Variants in CEMIP observed in about 807,000 individuals in gnomAD.
CEMIP encodes cell migration inducing hyaluronidase 1.
A neutral mutation model predicts 156.9 loss-of-function variants in CEMIP; 105 were observed. That is an observed-to-expected ratio of 0.67 (90% confidence interval 0.57 to 0.79). CEMIP has a LOEUF of 0.79. Among genes scored for constraint, CEMIP ranks in the 30% least tolerant of loss-of-function variants. The pLI is 0.00. For missense variants in CEMIP, 1,457 were observed against 1,769.4 expected, an observed-to-expected ratio of 0.82 and a Z score of 3.17; for synonymous variants, 676 against 668.4, an observed-to-expected ratio of 1.01 and a Z score of -0.17.
chr15:80,839,289 A>AGTGTGTGAGT (rs1555429518), intron 1 of CEMIP, among the ~76,000 whole-genome samples: 12 of 131,120 alleles, frequency 9.2e-5, no homozygotes, highest in Admixed American at 9.1e-4. Context: ...CAAGGCCGTG[A>AGTGTGTGAGT]GTGTGTGTGT....
intron 1 of CEMIP, among the ~76,000 whole-genome samples, chr15:80,870,084 G>C (rs1316546839): frequency 6.6e-6 from 1 of 152,138 alleles, no homozygotes; most frequent in Non-Finnish European, 1.5e-5. Flanking sequence ...CTTTTAAATG[G>C]GGTACAAGTG....
chr15:80,829,143 G>T (rs912493400), intron 1 of CEMIP, among the ~76,000 whole-genome samples: 1 of 152,168 alleles, frequency 6.6e-6, no homozygotes, highest in Non-Finnish European at 1.5e-5. Flanking sequence ...CCTGATGGAG[G>T]CCTGACCCAT....
At chr15:80,856,902 T>C (rs1897864999) in intron 1 of CEMIP, among the ~76,000 whole-genome samples, 1 of 152,328 alleles carries the variant, frequency 6.6e-6, no homozygotes, top group South Asian at 2.1e-4. Context: ...TCCAGGTAAC[T>C]GATCCCATCA....
chr15:80,927,020 G>A (rs946928836), intron 19 of CEMIP, among the ~76,000 whole-genome samples: 1 of 152,136 alleles, frequency 6.6e-6, no homozygotes, highest in Non-Finnish European at 1.5e-5. Context: ...CAGTAGAGAC[G>A]GGGTTTCACC....
At chr15:80,868,317 T>A (rs982407335) in intron 1 of CEMIP, among the ~76,000 whole-genome samples, 1 of 152,218 alleles carries the variant, frequency 6.6e-6, no homozygotes, top group African/African-American at 2.4e-5. Flanking sequence ...AAGCATTTAC[T>A]CTTCCCAGTA....
At chr15:80,812,662 T>A (rs1324875962) in intron 1 of CEMIP, among the ~76,000 whole-genome samples, 3 of 152,186 alleles carry the variant, frequency 2.0e-5, no homozygotes, top group African/African-American at 7.2e-5. Context: ...AATTCTCATA[T>A]TTTTTTCACA....
chr15:80,896,225 A>C, intron 12 of CEMIP, 165 bp downstream of exon 12: 1 of 759,766 alleles, frequency 1.3e-6, no homozygotes. Context: ...TTTCTTACTC[A>C]TGTATCTGCA....
chr15:80,892,242 G>T (rs1899056176), intron 10 of CEMIP, among the ~76,000 whole-genome samples: 2 of 152,120 alleles, frequency 1.3e-5, no homozygotes, highest in Non-Finnish European at 2.9e-5. Context: ...AAGGACATTT[G>T]CAACCTAGGC....
chr15:80,788,395 C>T (rs1008032277), intron 1 of CEMIP, among the ~76,000 whole-genome samples: 7 of 148,776 alleles, frequency 4.7e-5, no homozygotes, highest in South Asian at 2.1e-4. Flanking sequence ...TGCTTGAACC[C>T]GAGAGGTGGA....
chr15:80,942,296 C>A lies in CEMIP; in HGVS notation c.3658C>A (p.Gln1220Lys). 6.2e-7 allele frequency: 1 copy of A among 1,614,164 alleles called. No individual in the cohort carries two copies. Among genetic ancestry groups the A allele is most frequent in the East Asian group, 2.2e-5 (1 of 44,882 alleles). Reference sequence around the variant, plus strand: ...GGAGGTGAAGATGGAGAGTTCCAAGCAGCACTTCTTCCACCTCTGGAACGA... The same window carrying A: ...GGAGGTGAAGATGGAGAGTTCCAAGAAGCACTTCTTCCACCTCTGGAACGA... ...FLEVKMESSK[Q>K]HFFHLWNDFA... The change falls in exon 27 of 30, where the codon CAG (glutamine) becomes AAG (lysine). Residue 1220 changes from glutamine (Q) to lysine (K), a missense_variant. Coordinates refer to ENST00000394685, the MANE Select transcript of CEMIP (RefSeq NM_001293298.2).
chr15:80,918,274 C>T (rs1900346634), intron 14 of CEMIP, among the ~76,000 whole-genome samples: 1 of 151,006 alleles, frequency 6.6e-6, no homozygotes, highest in South Asian at 2.1e-4. Flanking sequence ...GACCTTGTCT[C>T]ACAAAAAGAA....
chr15:80,899,225 AAAAG>A (rs112037024), intron 12 of CEMIP, among the ~76,000 whole-genome samples: 3 of 126,790 alleles, frequency 2.4e-5, no homozygotes, highest in African/African-American at 5.8e-5. Flanking sequence ...AAAAAAAAAA[AAAAG>A]AAAGAAAGAG....
intron 3 of CEMIP, among the ~76,000 whole-genome samples, chr15:80,874,408 C>A (rs1898401769): frequency 6.6e-6 from 1 of 152,040 alleles, no homozygotes. Context: ...TATGTAAAAT[C>A]TCCCTAGTTT....
At chr15:80,929,935 C>A (rs967537696) in intron 21 of CEMIP, among the ~76,000 whole-genome samples, 2 of 152,134 alleles carry the variant, frequency 1.3e-5, no homozygotes, top group African/African-American at 4.8e-5. Flanking sequence ...TCAGTCAATT[C>A]CTTGGAAAAC....
rs376387202 is a variant in CEMIP, at chr15:80,863,182, C to T, written c.-175-10356C>T. Among the ~76,000 whole-genome samples, 20 of 152,170 alleles carry T rather than the reference C, an allele frequency of 1.3e-4. No homozygotes were observed. The East Asian group carries it at 3.1e-3, about 23-fold the overall frequency. On this transcript the variant is annotated intron_variant, in intron 1 of 29. Coordinates refer to ENST00000394685, the MANE Select transcript of CEMIP (RefSeq NM_001293298.2). ...TTTTTTTCCTCAATTGAGGGTAATG[C>T]TTAAATGACAAAAAAAGAGTGATGT... is the stretch of plus-strand genomic sequence containing the variant.
At chr15:80,795,300 G>A (rs1029274144) in intron 1 of CEMIP, among the ~76,000 whole-genome samples, 3 of 152,130 alleles carry the variant, frequency 2.0e-5, no homozygotes, top group African/African-American at 7.2e-5. Context: ...AGGTGGGGGT[G>A]ATAGGCAATA....
intron 1 of CEMIP, among the ~76,000 whole-genome samples, chr15:80,825,944 G>A (rs1049884609): frequency 2.6e-5 from 4 of 152,150 alleles, no homozygotes; most frequent in African/African-American, 9.7e-5. Context: ...AAGATTGTGG[G>A]CACCTGGCCT....
chr15:80,948,475 C>T (rs528083072), intron 29 of CEMIP: 3 of 398,714 alleles, frequency 7.5e-6, no homozygotes, highest in African/African-American at 2.1e-5. Context: ...AGGGGCAGCT[C>T]AAAGGTAGGC....
intron 14 of CEMIP, among the ~76,000 whole-genome samples, chr15:80,912,212 G>A (rs1230420752): frequency 6.6e-6 from 1 of 152,228 alleles, no homozygotes; most frequent in East Asian, 1.9e-4. Flanking sequence ...TGGGGCAAGA[G>A]GGAAGGCAGC....
Sources: gnomAD v4.1 joint callset for allele counts (sites outside exome capture counted in the v4.1 genomes callset) on GRCh38, gnomAD v4.1.1 for gene constraint, MANE v1.5 for transcripts, NCBI Gene and HGNC (gene_info 2026-07-23, HGNC 2026-07-21) for gene names.